The following ECT2 variants were observed in gnomAD, a reference collection of about 807,000 sequenced individuals.
ECT2 encodes the protein protein ECT2.
A neutral mutation model predicts 116.9 loss-of-function variants in ECT2; 61 were observed. That is an observed-to-expected ratio of 0.52 (90% CI 0.42 to 0.65). The LOEUF (loss-of-function observed/expected upper bound fraction) is 0.65. Ranked by LOEUF, ECT2 falls within the 30% of genes least tolerant of loss-of-function variation. The probability of loss-of-function intolerance (pLI) is 0.00; values close to 1 mark genes in which losing one functional copy is unlikely to be tolerated. For synonymous variants in ECT2, 358 were observed against 346.4 expected (o/e 1.03, Z -0.37); for missense variants, 937 against 1,078.7 (o/e 0.87, Z 1.84).
chr3:172,825,340 A>G (rs1730815561), downstream of ECT2, among the ~76,000 whole-genome samples: 1 of 152,066 alleles, frequency 6.6e-6, no homozygotes, highest in Non-Finnish European at 1.5e-5. Flanking sequence ...AGACTAATTA[A>G]TAATTAATCC....
At chr3:172,780,300 A>AAAAAG (rs1722462901) in intron 14 of ECT2, among the ~76,000 whole-genome samples, 2 of 152,168 alleles carry the variant, frequency 1.3e-5, no homozygotes, top group Non-Finnish European at 1.5e-5. Context: ...TTCTGGTCAA[A>AAAAAG]TAATATTCCA....
At chr3:172,789,040 A>G (rs1050092603) in intron 18 of ECT2, among the ~76,000 whole-genome samples, 1 of 142,670 alleles carries the variant, frequency 7.0e-6, no homozygotes, top group African/African-American at 2.6e-5. Flanking sequence ...CCTGGATGAC[A>G]GAGCAAGACT....
chr3:172,758,902 A>G, intron 5 of ECT2, 78 bp from the exon 6 acceptor site: 1 of 1,232,868 alleles, frequency 8.1e-7, no homozygotes, highest in Non-Finnish European at 1.2e-6. Flanking sequence ...GGGAAATGAA[A>G]TATATTTAGC....
chr3:172,753,494 G>C (rs188062285), intron 1 of ECT2, among the ~76,000 whole-genome samples: 77 of 152,322 alleles, frequency 5.1e-4, no homozygotes, highest in Non-Finnish European at 9.0e-4. Flanking sequence ...ATAGTCCAGA[G>C]TTATATTGGC....
chr3:172,824,321 A>C (rs967473929), downstream of ECT2, among the ~76,000 whole-genome samples: 5 of 152,188 alleles, frequency 3.3e-5, no homozygotes, highest in Admixed American at 3.3e-4. Context: ...GGCCTCAGGA[A>C]ATTTACAATC....
rs142793932 is a variant in ECT2 at position 172,800,958 on chromosome 3, A to T, written c.1908-1658A>T. Reference sequence around the variant, plus strand: ...GCAGAATTTTGTTGTTATGAGGCTAACAAAAAATGATAACTTTTATTTGGT... The same window carrying T: ...GCAGAATTTTGTTGTTATGAGGCTATCAAAAAATGATAACTTTTATTTGGT... On this transcript the variant is annotated intron_variant, in intron 18 of 24. Coordinates refer to ENST00000392692, the MANE Select transcript of ECT2 (RefSeq NM_001258315.2). 2.6e-3 allele frequency among the ~76,000 whole-genome samples: 398 copies of T among 152,328 alleles called. 1 individual carries two copies. Among genetic ancestry groups the T allele is most frequent in the African/African-American group, 9.1e-3 (380 of 41,588 alleles).
chr3:172,766,424 A>G (rs989826218), intron 12 of ECT2, among the ~76,000 whole-genome samples: 3 of 152,236 alleles, frequency 2.0e-5, no homozygotes, highest in African/African-American at 7.2e-5. Flanking sequence ...TTGATTGAAT[A>G]GATAATTCAT....
rs1197169465 is a variant in ECT2 at position 172,754,509 on chromosome 3, C to T, written c.-22C>T. The T allele has an allele frequency of 1.3e-6, 2 of 1,555,224 alleles. No homozygotes were observed. Among genetic ancestry groups the T allele is most frequent in the Admixed American group, 4.2e-5 (2 of 47,996 alleles). ...TTTTATTCAAATTTTATTTTTTCAG[C>T]TGATTTAGAAGAATACAAATCATGG... On this transcript the variant is annotated splice_region_variant and 5_prime_UTR_variant, in exon 2 of 25. Coordinates refer to ENST00000392692, the MANE Select transcript of ECT2 (RefSeq NM_001258315.2).
At position 172,756,712 on chromosome 3, in the gene ECT2, A is replaced by T. The variant is rs116546358; in HGVS notation, c.304-271A>T. 8.3e-3 allele frequency among the ~76,000 whole-genome samples: 1,257 copies of T among 152,308 alleles called. 15 individuals carry two copies. Among genetic ancestry groups the T allele is most frequent in the South Asian group, 0.045 (217 of 4,824 alleles). ...CTTGATGATTTATGACTAATAAGTA[A>T]TAAGTCAGAATTATGCCTTTATAAT... On this transcript the variant is annotated intron_variant, in intron 4 of 24. Coordinates refer to ENST00000392692, the MANE Select transcript of ECT2 (RefSeq NM_001258315.2).
At chr3:172,806,147 C>T (rs1727652112) in intron 21 of ECT2, 2 of 235,542 alleles carry the variant, frequency 8.5e-6, no homozygotes, top group Admixed American at 1.0e-4. Flanking sequence ...TAAAATAGCA[C>T]CCTAGCCTAG....
At chr3:172,773,830 T>C in intron 13 of ECT2, 73 bp from the exon 14 acceptor site, 1 of 1,458,586 alleles carries the variant, frequency 6.9e-7, no homozygotes, top group African/African-American at 1.4e-5. Context: ...TTGTGTCTCC[T>C]TTATCACTGT....
rs1715603309 is a variant in ECT2 at position 172,750,792 on chromosome 3, A to ACCTC, written c.-88_-87insCCTC. On this transcript the variant is annotated 5_prime_UTR_variant, in exon 1 of 25. It removes an upstream start codon present in the reference 5' UTR. Coordinates refer to ENST00000392692, the MANE Select transcript of ECT2 (RefSeq NM_001258315.2). The stretch of plus-strand genomic sequence containing the variant: ...CGGTTGTGGCGGCCGCCGGCGAGGA[A>ACCTC]TGGCGGTATTTGTGAGAGGAGTCGG... 1 of 152,920 alleles carries ACCTC rather than the reference A, an allele frequency of 6.5e-6. No individual in the cohort carries two copies. The highest frequency in any genetic ancestry group is 2.4e-5 in the African/African-American group (1 of 41,460). The allele number at this position is 152,920 out of a possible 1,614,324, so 9.5% of individuals were successfully genotyped here. A position where few individuals can be genotyped will look rare whatever the true frequency, so the allele number is the denominator to read the frequency against.
intron 18 of ECT2, among the ~76,000 whole-genome samples, chr3:172,791,966 A>G (rs1442539707): frequency 1.3e-5 from 2 of 152,182 alleles, no homozygotes; most frequent in Admixed American, 1.3e-4. Flanking sequence ...ACTTAAATAC[A>G]GGACTTTGTA....
At chr3:172,795,189 G>A (rs1290596449) in intron 18 of ECT2, among the ~76,000 whole-genome samples, 1 of 151,924 alleles carries the variant, frequency 6.6e-6, no homozygotes, top group Non-Finnish European at 1.5e-5. Context: ...CAGGCATGGT[G>A]GTGTGGTGTG....
At position 172,754,720 on chromosome 3, in the gene ECT2, G is replaced by T; in HGVS notation, c.130+60G>T. On this transcript the variant is annotated intron_variant, in intron 2 of 24. Coordinates refer to ENST00000392692, the MANE Select transcript of ECT2 (RefSeq NM_001258315.2). ...CTATTTTAATTCTAAACTTATTAGTGACTTTCTTAAGATTTAATTTTAATA... is the reference window on the plus strand; with the variant it reads ...CTATTTTAATTCTAAACTTATTAGTTACTTTCTTAAGATTTAATTTTAATA... 2.2e-6 allele frequency: 3 copies of T among 1,333,706 alleles called. No individual in the cohort carries two copies. The East Asian group carries it at 7.2e-5, about 32-fold the overall frequency. 82.6% of individuals were successfully genotyped at this position (1,333,706 alleles called of 1,614,324 possible).
At chr3:172,796,559 A>G (rs1305096565) in intron 18 of ECT2, 1 of 152,196 alleles carries the variant, frequency 6.6e-6, no homozygotes, top group Admixed American at 6.5e-5. Flanking sequence ...GCGCAAAGCT[A>G]AACTGCAGGC....
intron 22 of ECT2, among the ~76,000 whole-genome samples, chr3:172,809,229 C>T (rs1728301923): frequency 6.6e-6 from 1 of 151,896 alleles, no homozygotes; most frequent in African/African-American, 2.4e-5. Flanking sequence ...AACCCTAATA[C>T]TGAAATGAAA....
rs1730657481 is a variant in ECT2, at chr3:172,821,287, C to CCTA, written c.*1050_*1051insCTA. 1 of 151,744 alleles carries CCTA rather than the reference C, an allele frequency of 6.6e-6. No individual in the cohort carries two copies. The highest frequency in any genetic ancestry group is 2.4e-5 in the African/African-American group (1 of 41,378). The allele number at this position is 151,744 out of a possible 1,614,324, so 9.4% of individuals were successfully genotyped here. On this transcript the variant is annotated 3_prime_UTR_variant, in exon 25 of 25. Coordinates refer to ENST00000392692, the MANE Select transcript of ECT2 (RefSeq NM_001258315.2). ...ATAAATGCATTTTTATTTCCTATTTCTTTAGGGAGTGCTACAAATGTTTGT... is the reference window on the plus strand; with the variant it reads ...ATAAATGCATTTTTATTTCCTATTTCCTATTTAGGGAGTGCTACAAATGTTTGT...
downstream of ECT2, among the ~76,000 whole-genome samples, chr3:172,823,146 A>G (rs906916246): frequency 6.6e-6 from 1 of 152,280 alleles, no homozygotes; most frequent in Middle Eastern, 3.4e-3. Flanking sequence ...ATTTTCATCA[A>G]TTTAACCAAT....
Sources: gnomAD v4.1 joint callset for allele counts (sites outside exome capture counted in the v4.1 genomes callset) on GRCh38, gnomAD v4.1.1 for gene constraint, MANE v1.5 for transcripts, NCBI Gene and HGNC (gene_info 2026-07-23, HGNC 2026-07-21) for gene names.